The following DZIP1 variants were observed in gnomAD, a reference collection of about 807,000 sequenced individuals.
DZIP1 encodes cilium assembly protein DZIP1.
In DZIP1, 97 loss-of-function variants were observed where a neutral mutation model predicts 107.6. The observed-to-expected ratio is 0.90, with a 90% CI of 0.77 to 1.07. The LOEUF (loss-of-function observed/expected upper bound fraction) is 1.07. Ranked by LOEUF, DZIP1 falls within the 50% of genes least tolerant of loss-of-function variation. The probability of loss-of-function intolerance (pLI) is 0.00; values close to 1 mark genes in which losing one functional copy is unlikely to be tolerated. For missense variants in DZIP1, 1,035 were observed against 1,063.6 expected (o/e 0.97, Z 0.37); for synonymous variants, 390 against 386.4 (o/e 1.01, Z -0.11).
intron 10 of DZIP1, chr13:95,617,966 T>C (rs1265013917): frequency 1.9e-6 from 1 of 518,900 alleles, no homozygotes; most frequent in African/African-American, 1.9e-5. Context: ...GGGTGCCATT[T>C]GCCAAGTCTG....
chr13:95,608,183 T>C (rs1256154977), intron 13 of DZIP1, among the ~76,000 whole-genome samples: 1 of 152,122 alleles, frequency 6.6e-6, no homozygotes, highest in East Asian at 1.9e-4. Flanking sequence ...TTTTTGGAAT[T>C]TTCTAGAGCC....
chr13:95,639,993 T>C (rs1392110423), intron 5 of DZIP1, among the ~76,000 whole-genome samples: 1 of 125,666 alleles, frequency 8.0e-6, no homozygotes, highest in African/African-American at 2.6e-5. Flanking sequence ...TTTTTATTTT[T>C]ATTTATTTTT....
At position 95,599,652 on chromosome 13, in the gene DZIP1, T is replaced by C. The variant is rs1050075532; in HGVS notation, c.1478-228A>G. Among the ~76,000 whole-genome samples the C allele has an allele frequency of 5.3e-5, 8 of 152,234 alleles. No individual in the cohort carries two copies. In the East Asian group the frequency reaches 5.8e-4, roughly 11 times the overall value. On this transcript the variant is annotated intron_variant, in intron 14 of 22. Coordinates refer to ENST00000376829, the MANE Select transcript of DZIP1 (RefSeq NM_198968.4). ...CATTAACTACACTCTACAGAAATTA[T>C]AGTTTTAAATAATTAAGTTAAAGTT...
chr13:95,614,466 T>C (rs1460718921), intron 10 of DZIP1, among the ~76,000 whole-genome samples: 2 of 152,046 alleles, frequency 1.3e-5, no homozygotes, highest in African/African-American at 4.8e-5. Flanking sequence ...ATCAACTACA[T>C]GGGGAGTTGC....
intron 10 of DZIP1, among the ~76,000 whole-genome samples, chr13:95,616,679 C>T (rs1438544207): frequency 1.3e-5 from 2 of 152,124 alleles, no homozygotes; most frequent in Non-Finnish European, 2.9e-5. Context: ...AGGCCAGAGG[C>T]AATGGGGTAG....
At chr13:95,615,564 C>T (rs996971744) in intron 10 of DZIP1, among the ~76,000 whole-genome samples, 2 of 152,212 alleles carry the variant, frequency 1.3e-5, no homozygotes, top group African/African-American at 4.8e-5. Context: ...GCCACCTGTA[C>T]TTTGGAAAAG....
intron 15 of DZIP1, among the ~76,000 whole-genome samples, chr13:95,595,330 A>G (rs992273424): frequency 3.9e-4 from 59 of 151,956 alleles, no homozygotes; most frequent in Admixed American, 3.5e-3. Context: ...AGATGGTTTT[A>G]TTGAAAGCAA....
chr13:95,615,256 C>T (rs1874911873), intron 10 of DZIP1, among the ~76,000 whole-genome samples: 1 of 152,172 alleles, frequency 6.6e-6, no homozygotes, highest in Non-Finnish European at 1.5e-5. Flanking sequence ...CTTTCTATTC[C>T]AGCCAGAGGC....
At chr13:95,628,821 T>A (rs1450262981) in intron 7 of DZIP1, among the ~76,000 whole-genome samples, 1 of 152,068 alleles carries the variant, frequency 6.6e-6, no homozygotes, top group Non-Finnish European at 1.5e-5. Flanking sequence ...TCATATGAGG[T>A]ATCTAGAGCA....
chr13:95,629,768 A>AGG (rs1566422707), intron 7 of DZIP1, among the ~76,000 whole-genome samples: 87 of 152,272 alleles, frequency 5.7e-4, no homozygotes, highest in African/African-American at 2.0e-3. Flanking sequence ...TGTTATATGA[A>AGG]TTCCACCCCA....
intron 13 of DZIP1, among the ~76,000 whole-genome samples, chr13:95,608,255 C>T (rs1400279744): frequency 6.6e-6 from 1 of 151,978 alleles, no homozygotes; most frequent in Non-Finnish European, 1.5e-5. Context: ...CAGAAATACA[C>T]ATATTTATTT....
In DZIP1 at chr13:95,627,873, GA is replaced by G. The variant is rs543739854; in HGVS notation, c.810+2115del. 4.6e-3 allele frequency among the ~76,000 whole-genome samples: 705 copies of G among 152,266 alleles called. 6 individuals are homozygous for G. The highest frequency in any genetic ancestry group is 0.016 in the African/African-American group (675 of 41,542). ...GCATTATTCATTAGAGCCAAAAGGT[GA>G]AAATGAATCAAATGTCATTCAATGG... On this transcript the variant is annotated intron_variant, in intron 7 of 22. Transcript: ENST00000376829.
intron 5 of DZIP1, among the ~76,000 whole-genome samples, chr13:95,640,447 C>G (rs141406558): frequency 1.3e-5 from 2 of 152,128 alleles, no homozygotes; most frequent in Non-Finnish European, 2.9e-5. Context: ...GCCTTTTAAG[C>G]CATAGTCAGC....
intron 10 of DZIP1, among the ~76,000 whole-genome samples, chr13:95,617,672 G>A (rs1875291011): frequency 6.6e-6 from 1 of 151,292 alleles, no homozygotes; most frequent in Non-Finnish European, 1.5e-5. Context: ...GCTGGAAAGA[G>A]GAGGTTCCGA....
At chr13:95,638,122 T>C (rs1878046762) in intron 5 of DZIP1, among the ~76,000 whole-genome samples, 1 of 143,106 alleles carries the variant, frequency 7.0e-6, no homozygotes, top group South Asian at 2.3e-4. Context: ...GGAGTTTTGC[T>C]CTTGTCACCC....
chr13:95,631,512 A>G (rs1877195704), intron 6 of DZIP1, among the ~76,000 whole-genome samples: 1 of 152,024 alleles, frequency 6.6e-6, no homozygotes, highest in African/African-American at 2.4e-5. Flanking sequence ...TCTGTGGGTT[A>G]CTGTGGCAAT....
intron 16 of DZIP1, among the ~76,000 whole-genome samples, chr13:95,593,417 TTG>T (rs1158549456): frequency 1.8e-4 from 28 of 152,328 alleles, no homozygotes; most frequent in African/African-American, 6.0e-4. Context: ...CAATTAAGAT[TTG>T]TGTCTTTTAT....
At chr13:95,599,460 G>C in intron 14 of DZIP1, 36 bp from the exon 15 acceptor site, 1 of 1,519,770 alleles carries the variant, frequency 6.6e-7, no homozygotes, top group Non-Finnish European at 9.1e-7. Flanking sequence ...GTACAAACAG[G>C]ACAACAGCAA....
At chr13:95,584,303 A>G (rs1420951360) in intron 22 of DZIP1, among the ~76,000 whole-genome samples, 1 of 151,118 alleles carries the variant, frequency 6.6e-6, no homozygotes, top group Non-Finnish European at 1.5e-5. Context: ...AAAGAATACA[A>G]ACAATTTGGG....
Sources: allele counts gnomAD v4.1 joint callset (sites outside exome capture counted in the v4.1 genomes callset), GRCh38; gene constraint gnomAD v4.1.1; transcripts MANE v1.5; gene names NCBI Gene and HGNC (gene_info 2026-07-23, HGNC 2026-07-21).